MGAT5: variants seen among roughly 807,000 people sequenced by gnomAD.
MGAT5 encodes the protein alpha-1,6-mannosylglycoprotein 6-beta-N-acetylglucosaminyltransferase A.
MGAT5 carries 30 observed loss-of-function variants against 94.3 expected under a neutral mutation model. The ratio of observed to expected loss-of-function variants is 0.32; its 90% CI spans 0.24 to 0.43. The LOEUF (loss-of-function observed/expected upper bound fraction) is 0.43, where lower values mean the gene tolerates loss of function less well. Among genes scored for constraint, MGAT5 ranks in the 20% least tolerant of loss-of-function variants. MGAT5 has a pLI of 1.00. For synonymous variants in MGAT5, 310 were observed against 322.9 expected (o/e 0.96, Z 0.43); for missense variants, 691 against 905.5 (o/e 0.76, Z 3.04).
chr2:134,321,845 G>A (rs1394790723), intron 4 of MGAT5, among the ~76,000 whole-genome samples: 1 of 152,154 alleles, frequency 6.6e-6, no homozygotes, highest in Non-Finnish European at 1.5e-5. Context: ...GCAGGTAACT[G>A]AACCAGGAGA....
chr2:134,290,931 T>C (rs764261447), intron 2 of MGAT5, among the ~76,000 whole-genome samples: 2 of 152,234 alleles, frequency 1.3e-5, no homozygotes, highest in Non-Finnish European at 2.9e-5. Context: ...TAAGTGCTTA[T>C]TGCGTGTCTT....
chr2:134,231,014 T>A lies in MGAT5; in HGVS notation c.-142-23248T>A, dbSNP rs80318101. Among the ~76,000 whole-genome samples, 708 of 152,302 alleles carry A rather than the reference T, an allele frequency of 4.6e-3. 19 individuals carry two copies. In the East Asian group the frequency reaches 0.1, roughly 22 times the overall value. On this transcript the variant is annotated intron_variant, in intron 1 of 16. Coordinates refer to the MGAT5 transcript ENST00000409645. ...CATTGGACCTTGTGAAAGAAAGCTG[T>A]CAAAGAACACTGCATATTATGATTC...
intron 1 of MGAT5, among the ~76,000 whole-genome samples, chr2:134,238,525 T>C (rs1040079488): frequency 2.6e-5 from 4 of 152,242 alleles, no homozygotes; most frequent in Non-Finnish European, 4.4e-5. Context: ...TGTCAGGAGT[T>C]CAGCTATAAG....
intron 4 of MGAT5, among the ~76,000 whole-genome samples, chr2:134,334,254 G>C (rs1688192974): frequency 6.6e-6 from 1 of 152,050 alleles, no homozygotes; most frequent in African/African-American, 2.4e-5. Flanking sequence ...AAAATCACCT[G>C]GGACTGTATT....
intron 1 of MGAT5, among the ~76,000 whole-genome samples, chr2:134,141,501 T>C (rs1266514034): frequency 7.8e-4 from 3 of 3,846 alleles, no homozygotes; most frequent in African/African-American, 1.3e-3. Flanking sequence ...GGTGGATGAA[T>C]GGGTGGGTGG....
rs771315445 is a variant in MGAT5 at position 134,270,543 on chromosome 2, T to C, written c.399T>C (p.Asn133=). Reference sequence around the variant, plus strand: ...GCTTGGTTGCACTTGAGAAAATTAATGTGGCAGGTAAAAATAGCAATTCTC... The same window carrying C: ...GCTTGGTTGCACTTGAGAAAATTAACGTGGCAGGTAAAAATAGCAATTCTC... ...VPSLVALEKI[N]VADIINGAQE... Residue 133 remains asparagine (N), a synonymous_variant, in exon 2 of 16, where the codon AAT becomes AAC. Transcript: ENST00000281923. 6.2e-7 allele frequency: 1 copy of C among 1,614,132 alleles called. No individual in the cohort carries two copies. Among genetic ancestry groups the C allele is most frequent in the South Asian group, 1.1e-5 (1 of 91,074 alleles).
chr2:134,288,789 G>A (rs1417611803), intron 2 of MGAT5, among the ~76,000 whole-genome samples: 3 of 151,986 alleles, frequency 2.0e-5, no homozygotes, highest in Admixed American at 6.6e-5. Flanking sequence ...TGCTGTTGTA[G>A]CCATGCTCTC....
At chr2:134,370,196 C>G (rs1382385231) in intron 10 of MGAT5, among the ~76,000 whole-genome samples, 1 of 152,174 alleles carries the variant, frequency 6.6e-6, no homozygotes, top group Non-Finnish European at 1.5e-5. Context: ...GCTCTTAGCT[C>G]ATTGTTTTAA....
chr2:134,265,765 G>T (rs906759089), intron 1 of MGAT5, among the ~76,000 whole-genome samples: 1 of 152,104 alleles, frequency 6.6e-6, no homozygotes, highest in East Asian at 1.9e-4. Context: ...ACTATAAGAC[G>T]CAATGAAATA....
chr2:134,241,364 T>A (rs1314141718), intron 1 of MGAT5, among the ~76,000 whole-genome samples: 1 of 152,258 alleles, frequency 6.6e-6, no homozygotes, highest in Non-Finnish European at 1.5e-5. Flanking sequence ...TCTTATAAAC[T>A]CTTTGATTTG....
chr2:134,416,474 C>CT lies in MGAT5; in HGVS notation c.1677+3470dup, dbSNP rs71275904. On this transcript the variant is annotated intron_variant, in intron 12 of 15. Transcript: ENST00000281923. The stretch of plus-strand genomic sequence containing the variant: ...GCCTGTTTCAGAATCTCATTCCTTA[C>CT]TTTTTTTTTTTGGAGACCGGGTCTT... Among the ~76,000 whole-genome samples, 59 of 139,112 alleles carry CT rather than the reference C, an allele frequency of 4.2e-4. 1 individual carries two copies. Among genetic ancestry groups the CT allele is most frequent in the Admixed American group, 5.1e-4 (7 of 13,838 alleles). The allele number at this position is 139,112 out of a possible 152,430, so 91.3% of individuals were successfully genotyped here.
intron 1 of MGAT5, among the ~76,000 whole-genome samples, chr2:134,206,349 A>G (rs1053097508): frequency 6.6e-6 from 1 of 152,206 alleles, no homozygotes; most frequent in Admixed American, 6.5e-5. Flanking sequence ...GATCGCCAGG[A>G]TGCTGATGTG....
chr2:134,391,207 A>G (rs1186960106), intron 10 of MGAT5, among the ~76,000 whole-genome samples: 1 of 152,066 alleles, frequency 6.6e-6, no homozygotes, highest in African/African-American at 2.4e-5. Flanking sequence ...TTGAGGAGGT[A>G]GGTGGTGCCG....
At position 134,413,020 on chromosome 2, in the gene MGAT5, G is replaced by A. The variant is rs753657588; in HGVS notation, c.1677+5G>A. On this transcript the variant is annotated splice_donor_5th_base_variant and intron_variant, in intron 12 of 15. Coordinates refer to ENST00000281923, the MANE Select transcript of MGAT5 (RefSeq NM_002410.5). Reference sequence around the variant, plus strand: ...GGCAAGCCAACTCTGAGAGAGGTAAGCATCTATCAAAATTATTCCATTTTG... The same window carrying A: ...GGCAAGCCAACTCTGAGAGAGGTAAACATCTATCAAAATTATTCCATTTTG... 3 of 1,614,062 alleles carry A rather than the reference G, an allele frequency of 1.9e-6. No homozygotes were observed. The highest frequency in any genetic ancestry group is 2.5e-6 in the Non-Finnish European group (3 of 1,179,960).
intron 1 of MGAT5, among the ~76,000 whole-genome samples, chr2:134,214,281 T>C (rs1680350410): frequency 6.6e-6 from 1 of 151,860 alleles, no homozygotes. Context: ...TGCCTTTCTT[T>C]CCTCTAAGAA....
At chr2:134,378,405 A>G (rs1255199457) in intron 10 of MGAT5, among the ~76,000 whole-genome samples, 1 of 152,134 alleles carries the variant, frequency 6.6e-6, no homozygotes, top group East Asian at 1.9e-4. Flanking sequence ...CTACTTGACA[A>G]GGCACTCAGG....
intron 1 of MGAT5, among the ~76,000 whole-genome samples, chr2:134,149,392 C>G (rs1034279828): frequency 2.0e-5 from 3 of 150,786 alleles, no homozygotes; most frequent in Non-Finnish European, 2.9e-5. Flanking sequence ...TTTCCACTAG[C>G]AAGCATGTGA....
In MGAT5 at chr2:134,403,065, TA is replaced by T; in HGVS notation, c.1459del (p.Ile487PhefsTer5). The T allele has an allele frequency of 6.2e-7, 1 of 1,612,538 alleles. No homozygotes were observed. The highest frequency in any genetic ancestry group is 8.5e-7 in the Non-Finnish European group (1 of 1,179,750). ...CTGTTTATGGCTCCAGCACAAAGAATATTCCCAGTTACGTGAAAAACCATGG... is the reference window on the plus strand; with the variant it reads ...CTGTTTATGGCTCCAGCACAAAGAATTTCCCAGTTACGTGAAAAACCATGG... ...ATVYGSSTKN[I>X]PSYVKNHGIL... On this transcript the variant is annotated frameshift_variant, in exon 11 of 16. Transcript: ENST00000281923. LOFTEE classifies it high-confidence loss of function.
intron 8 of MGAT5, among the ~76,000 whole-genome samples, chr2:134,345,397 G>A (rs139041135): frequency 9.9e-4 from 150 of 152,226 alleles, no homozygotes; most frequent in African/African-American, 3.3e-3. Context: ...CTTGTGTTCC[G>A]TGGGTTTTAG....
Sources: gnomAD v4.1 joint callset for allele counts (sites outside exome capture counted in the v4.1 genomes callset) on GRCh38, gnomAD v4.1.1 for gene constraint, MANE v1.5 for transcripts, NCBI Gene and HGNC (gene_info 2026-07-23, HGNC 2026-07-21) for gene names.